The following MDGA2 variants were observed in gnomAD, a reference collection of about 807,000 sequenced individuals.
The protein encoded by MDGA2 is MAM domain-containing glycosylphosphatidylinositol anchor protein 2.
In MDGA2, 40 loss-of-function variants were observed where a neutral mutation model predicts 117.8. The ratio of observed to expected loss-of-function variants is 0.34; its 90% CI spans 0.26 to 0.44. The LOEUF (loss-of-function observed/expected upper bound fraction) is 0.44, where lower values mean the gene tolerates loss of function less well. Among genes scored for constraint, MDGA2 ranks in the 20% least tolerant of loss-of-function variants. MDGA2 has a pLI of 1.00. For synonymous variants in MDGA2, 452 were observed against 439.0 expected (o/e 1.03, Z -0.37); for missense variants, 1,123 against 1,250.6 (o/e 0.90, Z 1.54).
chr14:47,421,895 T>C (rs961502046), intron 1 of MDGA2, among the ~76,000 whole-genome samples: 2 of 152,200 alleles, frequency 1.3e-5, no homozygotes, highest in Non-Finnish European at 2.9e-5. Context: ...ATCTGCTAAT[T>C]GTGTTGACTT....
intron 1 of MDGA2, among the ~76,000 whole-genome samples, chr14:47,497,034 G>A (rs1022285079): frequency 1.1e-4 from 16 of 152,086 alleles, no homozygotes; most frequent in African/African-American, 3.9e-4. Flanking sequence ...GAGCTAAGGT[G>A]GTAATGCTCA....
At chr14:47,264,199 TA>T (rs1368722840) in intron 2 of MDGA2, among the ~76,000 whole-genome samples, 1 of 152,174 alleles carries the variant, frequency 6.6e-6, no homozygotes, top group Non-Finnish European at 1.5e-5. Context: ...AACTCACTAA[TA>T]AATCACATAC....
At chr14:47,666,253 G>C (rs1041961239) in intron 1 of MDGA2, among the ~76,000 whole-genome samples, 2 of 152,100 alleles carry the variant, frequency 1.3e-5, no homozygotes, top group Non-Finnish European at 1.5e-5. Flanking sequence ...TTGGCACTCT[G>C]TATCTAGCTC....
chr14:46,994,055 G>A (rs950100337), intron 8 of MDGA2, among the ~76,000 whole-genome samples: 1 of 152,072 alleles, frequency 6.6e-6, no homozygotes, highest in East Asian at 1.9e-4. Flanking sequence ...GTTCAACCAC[G>A]GGGTAATCGA....
intron 1 of MDGA2, among the ~76,000 whole-genome samples, chr14:47,467,310 A>G (rs1893624292): frequency 6.6e-6 from 1 of 152,134 alleles, no homozygotes; most frequent in Non-Finnish European, 1.5e-5. Context: ...TTGCTATGCT[A>G]GAATGCAAAC....
At chr14:47,534,189 T>C (rs1429251841) in intron 1 of MDGA2, among the ~76,000 whole-genome samples, 1 of 152,172 alleles carries the variant, frequency 6.6e-6, no homozygotes, top group Non-Finnish European at 1.5e-5. Context: ...GAAACATCTA[T>C]TACTCGGGTT....
intron 2 of MDGA2, among the ~76,000 whole-genome samples, chr14:47,241,650 A>G (rs540173522): frequency 6.6e-6 from 1 of 152,010 alleles, no homozygotes; most frequent in South Asian, 2.1e-4. Context: ...ATGTGAAAAG[A>G]GTAGAAATGT....
chr14:47,092,051 G>C (rs1485163865), intron 6 of MDGA2, among the ~76,000 whole-genome samples: 3 of 152,134 alleles, frequency 2.0e-5, no homozygotes, highest in Non-Finnish European at 4.4e-5. Flanking sequence ...ACTTAGCCCA[G>C]GCTACTTTAT....
chr14:47,328,906 G>T (rs1890218999), intron 1 of MDGA2, among the ~76,000 whole-genome samples: 1 of 152,120 alleles, frequency 6.6e-6, no homozygotes, highest in African/African-American at 2.4e-5. Flanking sequence ...AAAAAGATAA[G>T]AATCATAGCA....
At chr14:47,101,075 C>CGATAGATAGATAGATAGATA (rs57541385) in intron 5 of MDGA2, among the ~76,000 whole-genome samples, 1 of 140,110 alleles carries the variant, frequency 7.1e-6, no homozygotes, top group Non-Finnish European at 1.5e-5. Context: ...AATGGAGGGA[C>CGATAGATAGATAGATAGATA]GATAGATAGA....
rs577365474 is a variant in MDGA2, at chr14:46,983,700, T to A, written c.1820-26057A>T. ...GGTGCTGAAAGTGTCAAAATTTAAA[T>A]TTTTTGGCACTTCACACATTAAAAG... On this transcript the variant is annotated intron_variant, in intron 8 of 16. Coordinates refer to ENST00000399232, the MANE Select transcript of MDGA2 (RefSeq NM_001113498.3). 2.0e-5 allele frequency among the ~76,000 whole-genome samples: 3 copies of A among 152,192 alleles called. No individual in the cohort carries two copies. The South Asian group carries it at 6.2e-4, about 32-fold the overall frequency.
intron 3 of MDGA2, among the ~76,000 whole-genome samples, chr14:47,214,327 T>C (rs191721128): frequency 8.5e-5 from 13 of 152,272 alleles, no homozygotes; most frequent in East Asian, 7.7e-4. Context: ...CAAGTCACTG[T>C]GTGGTTATAA....
intron 2 of MDGA2, among the ~76,000 whole-genome samples, chr14:47,290,121 GC>G (rs148180899): frequency 0.12 from 18,176 of 151,892 alleles, 1,247 homozygotes; most frequent in East Asian, 0.22. Context: ...GGAAAATATA[GC>G]CCTATACTGC....
At chr14:47,409,081 G>T (rs74045050) in intron 1 of MDGA2, among the ~76,000 whole-genome samples, 27,730 of 152,036 alleles carry the variant, frequency 0.18, 2,657 homozygotes, top group South Asian at 0.32. Flanking sequence ...AGGCGGGGGG[G>T]ACTGGATCAT....
At chr14:47,431,851 G>C (rs1463491112) in intron 1 of MDGA2, among the ~76,000 whole-genome samples, 3 of 151,958 alleles carry the variant, frequency 2.0e-5, no homozygotes, top group African/African-American at 7.2e-5. Context: ...AGTCTAAAAA[G>C]TGCCACAGTA....
intron 2 of MDGA2, among the ~76,000 whole-genome samples, chr14:47,226,611 C>T (rs1243099426): frequency 1.3e-5 from 2 of 152,090 alleles, no homozygotes; most frequent in Admixed American, 1.3e-4. Flanking sequence ...CTATTTCACA[C>T]TAGAGGTGAC....
At chr14:47,034,439 C>T (rs1233517878) in intron 8 of MDGA2, among the ~76,000 whole-genome samples, 1 of 152,092 alleles carries the variant, frequency 6.6e-6, no homozygotes, top group African/African-American at 2.4e-5. Context: ...GCACCTAAGA[C>T]TTTCCTGAAT....
intron 1 of MDGA2, among the ~76,000 whole-genome samples, chr14:47,606,370 A>T (rs1474398910): frequency 3.9e-5 from 6 of 152,236 alleles, no homozygotes; most frequent in Non-Finnish European, 2.9e-5. Context: ...AAAGAAAGCT[A>T]AATTTTGATA....
chr14:47,213,247 A>C (rs1396536458), intron 3 of MDGA2, among the ~76,000 whole-genome samples: 3 of 152,190 alleles, frequency 2.0e-5, no homozygotes, highest in Admixed American at 6.6e-5. Context: ...TCAGAATTTC[A>C]AAAGCTTTAC....
Sources: gnomAD v4.1 joint callset for allele counts (sites outside exome capture counted in the v4.1 genomes callset) on GRCh38, gnomAD v4.1.1 for gene constraint, MANE v1.5 for transcripts, NCBI Gene and HGNC (gene_info 2026-07-23, HGNC 2026-07-21) for gene names.